TRHDE: variants seen among roughly 807,000 people sequenced by gnomAD.
The protein encoded by TRHDE is thyrotropin-releasing hormone-degrading ectoenzyme.
Under a neutral mutation model 125.7 loss-of-function variants are expected in TRHDE, and 72 were observed. The ratio of observed to expected loss-of-function variants is 0.57; its 90% CI spans 0.47 to 0.70. The LOEUF (loss-of-function observed/expected upper bound fraction) is 0.70, where lower values mean the gene tolerates loss of function less well. TRHDE is among the 30% of genes least tolerant of loss of function. The pLI is 0.00. For synonymous variants in TRHDE, 509 were observed against 509.1 expected, an observed-to-expected ratio of 1.00 and a Z score of 0.00; for missense variants, 1,110 against 1,327.1, an observed-to-expected ratio of 0.84 and a Z score of 2.54.
rs1211622761 is a variant in TRHDE, at chr12:72,663,518, G to A, written c.*323G>A. On this transcript the variant is annotated 3_prime_UTR_variant, in exon 19 of 19. Transcript: ENST00000261180. ...TGCATGTTGATGTTACAGTCAATTTGGAAAAACATATTCAGAATATCTGTG... is the reference window on the plus strand; with the variant it reads ...TGCATGTTGATGTTACAGTCAATTTAGAAAAACATATTCAGAATATCTGTG... 5.6e-6 allele frequency: 1 copy of A among 179,742 alleles called. No individual in the cohort carries two copies. 11.1% of individuals were successfully genotyped at this position (179,742 alleles called of 1,614,324 possible).
intron 15 of TRHDE, among the ~76,000 whole-genome samples, chr12:72,635,025 G>C (rs1262106874): frequency 6.6e-6 from 1 of 151,896 alleles, no homozygotes; most frequent in African/African-American, 2.4e-5. Context: ...CCAGTAATGG[G>C]ATGGCTGGAT....
intron 7 of TRHDE, among the ~76,000 whole-genome samples, chr12:72,551,044 C>T (rs142238559): frequency 6.6e-6 from 1 of 151,766 alleles, no homozygotes; most frequent in Non-Finnish European, 1.5e-5. Context: ...AAATTGAGGT[C>T]TTATTCTCTT....
chr12:72,215,773 G>T (rs931928922), intron 2 of TRHDE, among the ~76,000 whole-genome samples: 1 of 152,158 alleles, frequency 6.6e-6, no homozygotes, highest in South Asian at 2.1e-4. Flanking sequence ...TGGCGGCAGT[G>T]ACACCTGAAT....
At chr12:72,441,433 T>C (rs1424949349) in intron 3 of TRHDE, among the ~76,000 whole-genome samples, 1 of 151,866 alleles carries the variant, frequency 6.6e-6, no homozygotes, top group Admixed American at 6.6e-5. Context: ...CTGAAAGCCT[T>C]CAGTGAGTAG....
At chr12:72,430,317 ACATG>A (rs1874395958) in intron 3 of TRHDE, among the ~76,000 whole-genome samples, 1 of 141,886 alleles carries the variant, frequency 7.0e-6, no homozygotes, top group Non-Finnish European at 1.5e-5. Context: ...ATGTATATAT[ACATG>A]TATACATATA....
chr12:72,636,131 A>G (rs960556591), intron 15 of TRHDE, among the ~76,000 whole-genome samples: 1 of 152,142 alleles, frequency 6.6e-6, no homozygotes, highest in Non-Finnish European at 1.5e-5. Context: ...CTTCCTACCC[A>G]TGAGCATGGA....
intron 6 of TRHDE, among the ~76,000 whole-genome samples, chr12:72,507,890 G>A (rs1218271455): frequency 6.6e-6 from 1 of 152,232 alleles, no homozygotes; most frequent in Non-Finnish European, 1.5e-5. Context: ...TTGGGACATG[G>A]CACCCTGCAT....
intron 2 of TRHDE, among the ~76,000 whole-genome samples, chr12:72,175,618 G>A (rs1162840247): frequency 6.6e-6 from 1 of 152,114 alleles, no homozygotes; most frequent in African/African-American, 2.4e-5. Context: ...GAGTCAATGA[G>A]GTCACCTTTT....
intron 2 of TRHDE, among the ~76,000 whole-genome samples, chr12:72,330,521 A>G (rs1444354903): frequency 6.6e-6 from 1 of 152,190 alleles, no homozygotes; most frequent in Non-Finnish European, 1.5e-5. Context: ...ATGCTTCTGC[A>G]GCCAGGGGTC....
At chr12:72,574,419 CTG>C (rs746492131) in intron 10 of TRHDE, among the ~76,000 whole-genome samples, 10 of 151,996 alleles carry the variant, frequency 6.6e-5, no homozygotes, top group Non-Finnish European at 1.3e-4. Flanking sequence ...GTCAACTTCA[CTG>C]TGTCAATTTT....
chr12:72,377,342 A>G (rs1197531116), intron 2 of TRHDE, among the ~76,000 whole-genome samples: 1 of 151,328 alleles, frequency 6.6e-6, no homozygotes, highest in Non-Finnish European at 1.5e-5. Flanking sequence ...ATAATATACA[A>G]TGCTTGCTTT....
chr12:72,348,612 T>C (rs1272578225), intron 2 of TRHDE, among the ~76,000 whole-genome samples: 2 of 152,104 alleles, frequency 1.3e-5, no homozygotes, highest in African/African-American at 4.8e-5. Context: ...TAGGACTTCT[T>C]TCCCAGATAG....
intron 2 of TRHDE, among the ~76,000 whole-genome samples, chr12:72,376,934 A>C (rs958207225): frequency 1.2e-4 from 18 of 151,970 alleles, no homozygotes; most frequent in Admixed American, 1.3e-4. Context: ...ATGGGATTGG[A>C]AGTAATATGT....
At chr12:72,428,918 A>C (rs1874304270) in intron 3 of TRHDE, among the ~76,000 whole-genome samples, 1 of 152,128 alleles carries the variant, frequency 6.6e-6, no homozygotes. Context: ...CATGTGCCAC[A>C]TGAATCAGTA....
chr12:72,377,854 G>A, intron 2 of TRHDE, 141 bp from the exon 3 acceptor site: 1 of 513,494 alleles, frequency 1.9e-6, no homozygotes, highest in East Asian at 3.4e-5. Context: ...CAGCCCCACT[G>A]TGCTTTGATA....
chr12:72,241,989 TTTAGAG>T (rs1878491217), intron 2 of TRHDE, among the ~76,000 whole-genome samples: 1 of 152,234 alleles, frequency 6.6e-6, no homozygotes, highest in African/African-American at 2.4e-5. Context: ...CTTGCCCATT[TTTAGAG>T]TTATTTTGTT....
chr12:72,261,420 G>T (rs1047771460), intron 2 of TRHDE, among the ~76,000 whole-genome samples: 2 of 152,116 alleles, frequency 1.3e-5, no homozygotes, highest in Admixed American at 6.6e-5. Flanking sequence ...TAATGTGGCT[G>T]GCAGAGACCT....
chr12:72,161,239 C>T (rs1876629351), intron 2 of TRHDE, among the ~76,000 whole-genome samples: 1 of 152,046 alleles, frequency 6.6e-6, no homozygotes, highest in Non-Finnish European at 1.5e-5. Context: ...TAGAGACGAT[C>T]CTGGCCAACA....
chr12:72,155,991 A>C (rs906263428), intron 2 of TRHDE, among the ~76,000 whole-genome samples: 2 of 152,188 alleles, frequency 1.3e-5, no homozygotes, highest in African/African-American at 4.8e-5. Flanking sequence ...CTGCCCCCAG[A>C]GGTGGATTCT....
Sources: gnomAD v4.1 joint callset for allele counts (sites outside exome capture counted in the v4.1 genomes callset) on GRCh38, gnomAD v4.1.1 for gene constraint, MANE v1.5 for transcripts, NCBI Gene and HGNC (gene_info 2026-07-23, HGNC 2026-07-21) for gene names.